Variants in SH3RF3 observed in about 807,000 individuals in gnomAD.
SH3RF3 encodes SH3 domain containing ring finger 3.
Under a neutral mutation model 66.3 loss-of-function variants are expected in SH3RF3, and 29 were observed. That is an observed-to-expected ratio of 0.44 (90% CI 0.33 to 0.60). The LOEUF (loss-of-function observed/expected upper bound fraction) is 0.60, where lower values mean the gene tolerates loss of function less well. Ranked by LOEUF, SH3RF3 falls within the 20% of genes least tolerant of loss-of-function variation. SH3RF3 has a pLI of 0.04. For missense variants in SH3RF3, 1,194 were observed against 1,190.9 expected (o/e 1.00, Z -0.04); for synonymous variants, 583 against 532.0 (o/e 1.10, Z -1.32).
intron 1 of SH3RF3, among the ~76,000 whole-genome samples, chr2:109,292,781 G>A (rs1160432112): frequency 2.0e-5 from 3 of 152,136 alleles, no homozygotes; most frequent in Non-Finnish European, 4.4e-5. Flanking sequence ...TGCCCAGGCT[G>A]GAGTGCAGTG....
At chr2:109,287,133 G>A (rs1162872877) in intron 1 of SH3RF3, among the ~76,000 whole-genome samples, 2 of 152,140 alleles carry the variant, frequency 1.3e-5, no homozygotes, top group East Asian at 1.9e-4. Flanking sequence ...GGCCTCATGG[G>A]GGGTTGTCCA....
At chr2:109,296,250 G>A (rs1330337015) in intron 1 of SH3RF3, among the ~76,000 whole-genome samples, 5 of 150,740 alleles carry the variant, frequency 3.3e-5, no homozygotes, top group Non-Finnish European at 5.9e-5. Flanking sequence ...TATTCGAGAT[G>A]GAGTTTCACT....
chr2:109,257,374 G>C (rs1050019370), intron 1 of SH3RF3, among the ~76,000 whole-genome samples: 1 of 151,608 alleles, frequency 6.6e-6, no homozygotes, highest in African/African-American at 2.4e-5. Context: ...AGGAGAGGGA[G>C]GGAGGGAGAG....
chr2:109,205,325 A>G (rs888477805), intron 1 of SH3RF3, among the ~76,000 whole-genome samples: 1 of 151,330 alleles, frequency 6.6e-6, no homozygotes, highest in South Asian at 2.1e-4. Context: ...CAGTGGCTCA[A>G]TCTCAGCTCA....
intron 1 of SH3RF3, among the ~76,000 whole-genome samples, chr2:109,277,143 A>C (rs910341043): frequency 6.6e-6 from 1 of 152,172 alleles, no homozygotes; most frequent in Admixed American, 6.5e-5. Flanking sequence ...ATGGGGTGGC[A>C]GGTCAGCCTT....
intron 8 of SH3RF3, among the ~76,000 whole-genome samples, chr2:109,486,597 T>C (rs1256007061): frequency 1.3e-5 from 2 of 152,202 alleles, no homozygotes; most frequent in Non-Finnish European, 2.9e-5. Context: ...TCTCAGCAGC[T>C]CAGCGAGGCA....
At chr2:109,220,485 A>C (rs1041563013) in intron 1 of SH3RF3, among the ~76,000 whole-genome samples, 4 of 152,248 alleles carry the variant, frequency 2.6e-5, no homozygotes, top group African/African-American at 9.6e-5. Flanking sequence ...GAGAGTGAAA[A>C]GATAACCTAA....
intron 1 of SH3RF3, among the ~76,000 whole-genome samples, chr2:109,151,843 T>C (rs989829435): frequency 6.6e-6 from 1 of 152,252 alleles, no homozygotes; most frequent in Non-Finnish European, 1.5e-5. Flanking sequence ...GGCAACAATA[T>C]GACATTTCCT....
chr2:109,432,372 G>T, intron 5 of SH3RF3, 129 bp from the exon 6 acceptor site: 3 of 1,173,582 alleles, frequency 2.6e-6, no homozygotes, highest in East Asian at 2.6e-5. Context: ...AAACTGCAGA[G>T]CCCCCATAGA....
intron 8 of SH3RF3, among the ~76,000 whole-genome samples, chr2:109,467,976 G>T (rs1010644762): frequency 4.6e-5 from 7 of 152,230 alleles, no homozygotes; most frequent in Non-Finnish European, 8.8e-5. Context: ...GAGGCAGAGA[G>T]ACCCTGGAGG....
chr2:109,489,173 G>A (rs1679062684), intron 8 of SH3RF3, among the ~76,000 whole-genome samples: 1 of 152,266 alleles, frequency 6.6e-6, no homozygotes, highest in Non-Finnish European at 1.5e-5. Flanking sequence ...TGCATAAGCA[G>A]CAGTGCCTGG....
In SH3RF3 at chr2:109,503,593, G is replaced by A. The variant is rs1158721965; in HGVS notation, c.*1922G>A. On this transcript the variant is annotated 3_prime_UTR_variant, in exon 10 of 10. Transcript: ENST00000309415. The stretch of plus-strand genomic sequence containing the variant: ...TTACCATTATTGCCAAACTTCATCA[G>A]TTGCCCATCCTGCACCAAAATCCTG... The A allele has an allele frequency of 1.3e-5, 2 of 152,332 alleles. No homozygotes were observed. Among genetic ancestry groups the A allele is most frequent in the East Asian group, 3.9e-4 (2 of 5,188 alleles). The allele number at this position is 152,332 out of a possible 1,614,324, so 9.4% of individuals were successfully genotyped here. A position where few individuals can be genotyped will look rare whatever the true frequency, so the allele number is the denominator to read the frequency against.
At chr2:109,310,121 C>A (rs1193241048) in intron 1 of SH3RF3, among the ~76,000 whole-genome samples, 1 of 87,598 alleles carries the variant, frequency 1.1e-5, no homozygotes, top group East Asian at 3.4e-4. Context: ...TGTAAAAGAA[C>A]AGAAATTATA....
chr2:109,211,891 C>T (rs1678990517), intron 1 of SH3RF3, among the ~76,000 whole-genome samples: 1 of 152,208 alleles, frequency 6.6e-6, no homozygotes, highest in Admixed American at 6.5e-5. Flanking sequence ...GATCCGCCCT[C>T]CTCGGCCTCC....
At chr2:109,286,954 G>A (rs975774464) in intron 1 of SH3RF3, among the ~76,000 whole-genome samples, 1 of 152,216 alleles carries the variant, frequency 6.6e-6, no homozygotes, top group African/African-American at 2.4e-5. Flanking sequence ...CTGCCCAGGT[G>A]GTTCCGCCAT....
At chr2:109,187,349 G>A (rs114113233) in intron 1 of SH3RF3, among the ~76,000 whole-genome samples, 1,353 of 107,350 alleles carry the variant, frequency 0.013, 11 homozygotes, top group Non-Finnish European at 0.018. Context: ...GAGTGCAAAA[G>A]ACAACCACAG....
At chr2:109,270,722 C>T (rs908649700) in intron 1 of SH3RF3, among the ~76,000 whole-genome samples, 7 of 152,304 alleles carry the variant, frequency 4.6e-5, no homozygotes, top group African/African-American at 1.4e-4. Flanking sequence ...GGAGACCGTT[C>T]CTGGACTGTT....
chr2:109,293,079 G>A (rs1681226303), intron 1 of SH3RF3, among the ~76,000 whole-genome samples: 1 of 152,186 alleles, frequency 6.6e-6, no homozygotes, highest in Non-Finnish European at 1.5e-5. Flanking sequence ...GAGGGTCCCT[G>A]CACAAGCAGG....
At chr2:109,189,561 G>T (rs1674368834) in intron 1 of SH3RF3, among the ~76,000 whole-genome samples, 1 of 151,998 alleles carries the variant, frequency 6.6e-6, no homozygotes, top group East Asian at 1.9e-4. Flanking sequence ...TAGAAGCGGG[G>T]TTTCACTATA....
Sources: gnomAD v4.1 joint callset for allele counts (sites outside exome capture counted in the v4.1 genomes callset) on GRCh38, gnomAD v4.1.1 for gene constraint, MANE v1.5 for transcripts, NCBI Gene and HGNC (gene_info 2026-07-23, HGNC 2026-07-21) for gene names.